Variants in RGS5 observed in about 807,000 individuals in gnomAD.
RGS5 encodes regulator of G-protein signalling 5.
A neutral mutation model predicts 18.9 loss-of-function variants in RGS5; 20 were observed. The ratio of observed to expected loss-of-function variants is 1.06; its 90% CI spans 0.74 to 1.54. RGS5 has a LOEUF of 1.54. Ranked by LOEUF, RGS5 falls within the 40% of genes most tolerant of loss-of-function variation. RGS5 has a pLI of 0.00. For synonymous variants in RGS5, 57 were observed against 76.2 expected (o/e 0.75, Z 1.31); for missense variants, 201 against 211.8 (o/e 0.95, Z 0.32).
At chr1:163,206,132 C>G (rs1659948379), upstream of RGS5, among the ~76,000 whole-genome samples, 1 of 152,152 alleles carries the variant, frequency 6.6e-6, no homozygotes. Context: ...TGTGATATTG[C>G]TTCCCTGCCT....
chr1:163,265,026 T>C (rs984699370), intron 2 of RGS5, among the ~76,000 whole-genome samples: 2 of 152,094 alleles, frequency 1.3e-5, no homozygotes, highest in African/African-American at 4.8e-5. Context: ...TACATACTTG[T>C]GTATATTACT....
chr1:163,311,232 A>G (rs10917722), intron 1 of RGS5, among the ~76,000 whole-genome samples: 63,253 of 152,012 alleles, frequency 0.42, 13,652 homozygotes, highest in South Asian at 0.5. Flanking sequence ...TAAAGAGAGC[A>G]AGTGCCTTGC....
At chr1:163,220,619 G>T (rs1190512942), upstream of RGS5, among the ~76,000 whole-genome samples, 1 of 152,200 alleles carries the variant, frequency 6.6e-6, no homozygotes, top group Non-Finnish European at 1.5e-5. Context: ...TCTTGTGGTA[G>T]TCTGAATAAT....
chr1:163,290,015 C>T lies in RGS5; in HGVS notation c.-281+16218G>A, dbSNP rs140424543. ...GTTCCCTCTTCCATTTTCTTTGTTG[C>T]CACATGTACAGTAAAAAAGCAGGCA... On this transcript the variant is annotated intron_variant, in intron 2 of 5. Coordinates refer to the RGS5 transcript ENST00000618415. Among the ~76,000 whole-genome samples, 549 of 152,220 alleles carry T rather than the reference C, an allele frequency of 3.6e-3. 7 individuals carry two copies. The highest frequency in any genetic ancestry group is 0.011 in the African/African-American group (451 of 41,528).
intron 1 of RGS5, among the ~76,000 whole-genome samples, chr1:163,195,127 T>G (rs533425389): frequency 2.0e-5 from 3 of 152,282 alleles, no homozygotes; most frequent in African/African-American, 7.2e-5. Flanking sequence ...TGAAGACATA[T>G]GCACACTTAT....
chr1:163,181,388 A>G (rs1278865338), intron 1 of RGS5, among the ~76,000 whole-genome samples: 1 of 152,102 alleles, frequency 6.6e-6, no homozygotes, highest in African/African-American at 2.4e-5. Context: ...AAACCTCTGT[A>G]ACTACTCCAT....
At chr1:163,176,136 T>C (rs1361118328) in intron 1 of RGS5, among the ~76,000 whole-genome samples, 1 of 152,228 alleles carries the variant, frequency 6.6e-6, no homozygotes, top group Non-Finnish European at 1.5e-5. Flanking sequence ...GTTCTAACGT[T>C]TCCCTTCAGC....
At chr1:163,284,077 C>T (rs369716404) in intron 2 of RGS5, among the ~76,000 whole-genome samples, 3 of 152,280 alleles carry the variant, frequency 2.0e-5, no homozygotes, top group East Asian at 1.9e-4. Flanking sequence ...CACAGCATTC[C>T]GCAATGGGCT....
rs1347308924 is a variant in RGS5 at position 163,238,522 on chromosome 1, C to T, written c.-281+67711G>A. ...TTTGAACTTTCCTCTTAATATTCTT[C>T]CCAACTTAGCTAGACCTTCCTCCAC... is the stretch of plus-strand genomic sequence containing the variant. On this transcript the variant is annotated intron_variant, in intron 2 of 5. Transcript: ENST00000618415. 3 of 155,508 alleles carry T rather than the reference C, an allele frequency of 1.9e-5. No homozygotes were observed. In the Admixed American group the frequency reaches 2.0e-4, roughly 10 times the overall value. 9.6% of individuals were successfully genotyped at this position (155,508 alleles called of 1,614,324 possible). A position where few individuals can be genotyped will look rare whatever the true frequency, so the allele number is the denominator to read the frequency against.
intron 1 of RGS5, among the ~76,000 whole-genome samples, chr1:163,199,212 G>T (rs931074062): frequency 6.6e-5 from 10 of 152,120 alleles, no homozygotes; most frequent in Admixed American, 1.3e-4. Context: ...CAATATGCCA[G>T]AGGGTAGAAA....
At chr1:163,280,309 T>A (rs1648959487) in intron 2 of RGS5, among the ~76,000 whole-genome samples, 1 of 151,900 alleles carries the variant, frequency 6.6e-6, no homozygotes, top group Admixed American at 6.6e-5. Context: ...AGATAATACA[T>A]CAGGGCCAAG....
In RGS5 at chr1:163,144,237, G is replaced by C. The variant is rs138545056; in HGVS notation, c.*3105C>G. ...AGTGTGTGTGTGTATGTGTGGCGGG[G>C]AAGATGGAAGATTATTCACATGCTT... On this transcript the variant is annotated 3_prime_UTR_variant, in exon 5 of 5. Transcript: ENST00000313961. 9.2e-5 allele frequency: 14 copies of C among 152,244 alleles called. No individual in the cohort carries two copies. Among genetic ancestry groups the C allele is most frequent in the African/African-American group, 2.2e-4 (9 of 41,558 alleles). The allele number at this position is 152,244 out of a possible 1,614,324, so 9.4% of individuals were successfully genotyped here. A position where few individuals can be genotyped will look rare whatever the true frequency, so the allele number is the denominator to read the frequency against.
At chr1:163,301,720 G>A (rs1240980265) in intron 2 of RGS5, among the ~76,000 whole-genome samples, 1 of 152,108 alleles carries the variant, frequency 6.6e-6, no homozygotes, top group Admixed American at 6.5e-5. Flanking sequence ...ATAAGCCCCC[G>A]TGCTTTGTTA....
At chr1:163,159,839 A>G (rs566587768) in intron 3 of RGS5, among the ~76,000 whole-genome samples, 2 of 152,298 alleles carry the variant, frequency 1.3e-5, no homozygotes, top group African/African-American at 4.8e-5. Context: ...TTCAAAATGC[A>G]TATATAAGTT....
At chr1:163,288,373 G>T (rs1198640135) in intron 2 of RGS5, among the ~76,000 whole-genome samples, 1 of 152,182 alleles carries the variant, frequency 6.6e-6, no homozygotes, top group African/African-American at 2.4e-5. Context: ...GTCACTGTCA[G>T]TCATCTGTTG....
rs1375199314 is a variant in RGS5, at chr1:163,143,231, G to A, written c.*4111C>T. The A allele has an allele frequency of 2.0e-5, 3 of 152,192 alleles. No individual in the cohort carries two copies. Among genetic ancestry groups the A allele is most frequent in the South Asian group, 4.1e-4 (2 of 4,832 alleles). 9.4% of individuals were successfully genotyped at this position (152,192 alleles called of 1,614,324 possible). ...TGTGCGAAGCAAGTGTTCGATACGT[G>A]CTTGTCTAATAGAATGAAGAGACTA... On this transcript the variant is annotated 3_prime_UTR_variant, in exon 5 of 5. Coordinates refer to ENST00000313961, the MANE Select transcript of RGS5 (RefSeq NM_003617.4).
rs768355395 is a variant in RGS5, at chr1:163,152,610, C to T, written c.324G>A (p.Lys108=). 6.2e-7 allele frequency: 1 copy of T among 1,612,904 alleles called. No individual in the cohort carries two copies. ...AAATTTGCTTTGCCTTCTCAGCCATCTTGGCAGGGGACTTGATCTTCTTGT... is the reference window on the plus strand; with the variant it reads ...AAATTTGCTTTGCCTTCTCAGCCATTTTGGCAGGGGACTTGATCTTCTTGT... ...EDYKKIKSPA[K]MAEKAKQIYE... is the part of the protein sequence containing the mutation. Residue 108 remains lysine, a synonymous_variant, in exon 4 of 5, where the codon AAG becomes AAA. Coordinates refer to ENST00000313961, the MANE Select transcript of RGS5 (RefSeq NM_003617.4).
chr1:163,215,951 C>T (rs555310383), intron 1 of RGS5, among the ~76,000 whole-genome samples: 1 of 152,046 alleles, frequency 6.6e-6, no homozygotes, highest in East Asian at 1.9e-4. Context: ...ATTTTATACA[C>T]ACTCCTATAT....
chr1:163,172,708 T>A, intron 1 of RGS5: 1 of 1,179,986 alleles, frequency 8.5e-7, no homozygotes, highest in Non-Finnish European at 1.2e-6. Flanking sequence ...TAAGAGTATT[T>A]AAGTTGTGAA....
Sources: gnomAD v4.1 joint callset for allele counts (sites outside exome capture counted in the v4.1 genomes callset) on GRCh38, gnomAD v4.1.1 for gene constraint, MANE v1.5 for transcripts, NCBI Gene and HGNC (gene_info 2026-07-23, HGNC 2026-07-21) for gene names.